LUZP2: variants seen among roughly 807,000 people sequenced by gnomAD.
LUZP2 encodes leucine zipper protein 2.
LUZP2 carries 52 observed loss-of-function variants against 51.6 expected under a neutral mutation model. The observed-to-expected ratio is 1.01, with a 90% CI of 0.81 to 1.27. The LOEUF is 1.27. Among genes scored for constraint, LUZP2 ranks in the 50% most tolerant of loss-of-function variants. The pLI, the probability that LUZP2 is intolerant of heterozygous loss-of-function variation, is 0.00. For missense variants in LUZP2, 436 were observed against 395.4 expected (o/e 1.10, Z -0.87); for synonymous variants, 154 against 137.3 (o/e 1.12, Z -0.85).
At chr11:24,607,594 T>G (rs1346666362) in intron 1 of LUZP2, among the ~76,000 whole-genome samples, 2 of 152,122 alleles carry the variant, frequency 1.3e-5, no homozygotes, top group East Asian at 3.9e-4. Context: ...TCGACTGTTA[T>G]TCTTGTTAAA....
At chr11:24,848,296 C>T (rs889829907) in intron 5 of LUZP2, among the ~76,000 whole-genome samples, 2 of 152,132 alleles carry the variant, frequency 1.3e-5, no homozygotes, top group Admixed American at 6.6e-5. Flanking sequence ...AGTGATTTCA[C>T]TTTTCACATT....
intron 1 of LUZP2, among the ~76,000 whole-genome samples, chr11:24,517,674 A>G (rs1390922207): frequency 6.6e-6 from 1 of 151,940 alleles, no homozygotes; most frequent in Non-Finnish European, 1.5e-5. Flanking sequence ...AATAATCCAT[A>G]GTTTGCTTTC....
chr11:24,599,791 G>T (rs1245721429), intron 1 of LUZP2, among the ~76,000 whole-genome samples: 1 of 151,824 alleles, frequency 6.6e-6, no homozygotes. Flanking sequence ...TACTATTTTG[G>T]TGAAACTACT....
intron 5 of LUZP2, among the ~76,000 whole-genome samples, chr11:24,846,156 T>C (rs1292336911): frequency 1.3e-5 from 2 of 151,764 alleles, no homozygotes; most frequent in East Asian, 3.9e-4. Context: ...AAAAACACTA[T>C]AATTTTGTTG....
At chr11:25,071,867 C>T (rs1454769492) in intron 10 of LUZP2, among the ~76,000 whole-genome samples, 1 of 151,238 alleles carries the variant, frequency 6.6e-6, no homozygotes, top group Non-Finnish European at 1.5e-5. Flanking sequence ...ATAAATAAAT[C>T]ACACATGATG....
chr11:25,033,578 C>T (rs1857764460), intron 9 of LUZP2, among the ~76,000 whole-genome samples: 1 of 152,000 alleles, frequency 6.6e-6, no homozygotes, highest in African/African-American at 2.4e-5. Context: ...TTCTCACATT[C>T]CTTCCAACTT....
chr11:24,752,473 C>T lies in LUZP2; in HGVS notation c.334-10773C>T, dbSNP rs534481282. On this transcript the variant is annotated intron_variant, in intron 4 of 11. Transcript: ENST00000336930. ...ATACTGTACTCAAAAACAGAATAAA[C>T]AGCAGACTGCAAGTGATATGAGGAT... is the stretch of plus-strand genomic sequence containing the variant. 3.9e-4 allele frequency among the ~76,000 whole-genome samples: 60 copies of T among 152,268 alleles called. No individual in the cohort carries two copies. In the South Asian group the frequency reaches 0.012, roughly 31 times the overall value.
intron 9 of LUZP2, among the ~76,000 whole-genome samples, chr11:25,047,196 C>T (rs1858339037): frequency 6.6e-6 from 1 of 151,948 alleles, no homozygotes; most frequent in African/African-American, 2.4e-5. Flanking sequence ...TTATTTATTA[C>T]TCTTGTTCTT....
At chr11:25,006,718 A>G (rs1395689114) in intron 9 of LUZP2, among the ~76,000 whole-genome samples, 2 of 152,134 alleles carry the variant, frequency 1.3e-5, no homozygotes, top group African/African-American at 4.8e-5. Context: ...GGTCACCAAA[A>G]TATGTCTGGG....
At chr11:24,740,632 C>T (rs1859102448) in intron 4 of LUZP2, among the ~76,000 whole-genome samples, 1 of 152,128 alleles carries the variant, frequency 6.6e-6, no homozygotes. Flanking sequence ...CAAGTTTCCT[C>T]ATTATCACAT....
intron 9 of LUZP2, among the ~76,000 whole-genome samples, chr11:25,031,682 T>G (rs575535362): frequency 4.7e-4 from 71 of 152,282 alleles, no homozygotes; most frequent in African/African-American, 1.6e-3. Flanking sequence ...TTTAAATTTT[T>G]TTTTGCCTTT....
intron 9 of LUZP2, among the ~76,000 whole-genome samples, chr11:24,996,044 T>C (rs1856486845): frequency 6.6e-6 from 1 of 151,094 alleles, no homozygotes; most frequent in Non-Finnish European, 1.5e-5. Context: ...TATTTTATTT[T>C]CTCTTTGTTA....
rs1852597789 is a variant in LUZP2, at chr11:24,884,308, C to A, written c.397-21683C>A. ...TAAATAAAGGAAGCTACAAGTCTGT[C>A]ATTTCTAAAATGGAGCTGATTAAGA... On this transcript the variant is annotated intron_variant, in intron 5 of 11. Coordinates refer to ENST00000336930, the MANE Select transcript of LUZP2 (RefSeq NM_001009909.4). Among the ~76,000 whole-genome samples the A allele has an allele frequency of 2.0e-5, 3 of 152,104 alleles. No individual in the cohort carries two copies. In the South Asian group the frequency reaches 6.2e-4, roughly 31 times the overall value.
chr11:24,874,068 T>A (rs1008458096), intron 5 of LUZP2, among the ~76,000 whole-genome samples: 1 of 152,124 alleles, frequency 6.6e-6, no homozygotes, highest in Admixed American at 6.6e-5. Context: ...ATAATTAATT[T>A]CTCTCCATTT....
At chr11:24,643,271 A>T (rs1855361013) in intron 1 of LUZP2, among the ~76,000 whole-genome samples, 1 of 150,204 alleles carries the variant, frequency 6.7e-6, no homozygotes, top group East Asian at 2.0e-4. Flanking sequence ...AAAAAAAAAA[A>T]AAAAAATTAG....
At chr11:25,000,058 C>A (rs927110991) in intron 9 of LUZP2, among the ~76,000 whole-genome samples, 1 of 152,254 alleles carries the variant, frequency 6.6e-6, no homozygotes, top group African/African-American at 2.4e-5. Flanking sequence ...ATCCATTTTA[C>A]AGAGTGCTGA....
At chr11:24,945,914 T>G (rs944077783) in intron 7 of LUZP2, among the ~76,000 whole-genome samples, 1 of 152,114 alleles carries the variant, frequency 6.6e-6, no homozygotes, top group Non-Finnish European at 1.5e-5. Flanking sequence ...GAATTCAATT[T>G]TAGAAAATTG....
At position 24,566,702 on chromosome 11, in the gene LUZP2, T is replaced by A. The variant is rs1483540234; in HGVS notation, c.62+69397T>A. 4.2e-5 allele frequency among the ~76,000 whole-genome samples: 6 copies of A among 142,456 alleles called. No individual in the cohort carries two copies. In the East Asian group the frequency reaches 1.3e-3, roughly 30 times the overall value. The allele number at this position is 142,456 out of a possible 152,430, so 93.5% of individuals were successfully genotyped here. A position where few individuals can be genotyped will look rare whatever the true frequency, so the allele number is the denominator to read the frequency against. On this transcript the variant is annotated intron_variant, in intron 1 of 11. Coordinates refer to ENST00000336930, the MANE Select transcript of LUZP2 (RefSeq NM_001009909.4). ...GTGTTTTCAGGAATTCACTAGGTAA[T>A]GTGTGTGTGTATATATATGTATATA...
chr11:24,843,971 G>C (rs534026771), intron 5 of LUZP2, among the ~76,000 whole-genome samples: 1 of 152,224 alleles, frequency 6.6e-6, no homozygotes. Context: ...CCAATCTCAG[G>C]TATGTCTTTA....
Sources: gnomAD v4.1 joint callset for allele counts (sites outside exome capture counted in the v4.1 genomes callset) on GRCh38, gnomAD v4.1.1 for gene constraint, MANE v1.5 for transcripts, NCBI Gene and HGNC (gene_info 2026-07-23, HGNC 2026-07-21) for gene names.